The following SLC44A5 variants were observed in gnomAD, a reference collection of about 807,000 sequenced individuals.
SLC44A5 encodes the protein solute carrier family 44 member 5, also known as choline transporter-like protein 5.
SLC44A5 carries 57 observed loss-of-function variants against 101.8 expected under a neutral mutation model. That is an observed-to-expected ratio of 0.56 (90% CI 0.45 to 0.70). The LOEUF (loss-of-function observed/expected upper bound fraction) is 0.70, where lower values mean the gene tolerates loss of function less well. Among genes scored for constraint, SLC44A5 ranks in the 30% least tolerant of loss-of-function variants. SLC44A5 has a pLI of 0.00. For missense variants in SLC44A5, 737 were observed against 853.1 expected, an observed-to-expected ratio of 0.86 and a Z score of 1.70; for synonymous variants, 281 against 290.9, an observed-to-expected ratio of 0.97 and a Z score of 0.35.
At chr1:75,521,375 T>C (rs1398083408) in intron 2 of SLC44A5, among the ~76,000 whole-genome samples, 2 of 152,112 alleles carry the variant, frequency 1.3e-5, no homozygotes, top group African/African-American at 4.8e-5. Flanking sequence ...GGATCTTCTG[T>C]CATTCTTAAT....
the SLC44A5 span, among the ~76,000 whole-genome samples, chr1:75,632,606 G>GT: frequency 0.49 from 74,447 of 151,800 alleles, 19,432 homozygotes; most frequent in East Asian, 0.91. Context: ...TATCATTCCT[G>GT]TTTTTCCATG....
the SLC44A5 span, among the ~76,000 whole-genome samples, chr1:75,652,285 G>T: frequency 6.6e-6 from 1 of 152,086 alleles, no homozygotes; most frequent in Non-Finnish European, 1.5e-5. Flanking sequence ...ATGTCAAACT[G>T]CACTTGAGTC....
At chr1:75,594,785 T>TA (rs1056422665) in intron 1 of SLC44A5, among the ~76,000 whole-genome samples, 2 of 151,814 alleles carry the variant, frequency 1.3e-5, no homozygotes, top group African/African-American at 4.8e-5. Flanking sequence ...CTTTTTTTTT[T>TA]ATCATTTTAG....
chr1:75,449,837 C>G (rs967112057), intron 2 of SLC44A5, among the ~76,000 whole-genome samples: 3 of 152,142 alleles, frequency 2.0e-5, no homozygotes, highest in Non-Finnish European at 4.4e-5. Context: ...TTCGTCTCTA[C>G]TAAAAATACA....
chr1:75,684,724 A>G, the SLC44A5 span, among the ~76,000 whole-genome samples: 1 of 152,168 alleles, frequency 6.6e-6, no homozygotes, highest in East Asian at 1.9e-4. Context: ...GGCTCTGCAG[A>G]GTACAGACAC....
At chr1:75,700,825 A>G in the SLC44A5 span, among the ~76,000 whole-genome samples, 8 of 152,242 alleles carry the variant, frequency 5.3e-5, no homozygotes, top group African/African-American at 1.9e-4. Context: ...TAAAGGGGAC[A>G]TGTCCACCAA....
chr1:75,532,829 C>G (rs2101924428), intron 2 of SLC44A5, among the ~76,000 whole-genome samples: 1 of 152,174 alleles, frequency 6.6e-6, no homozygotes, highest in Middle Eastern at 3.4e-3. Context: ...AGCCTGAGCT[C>G]AAGAGTTCGA....
chr1:75,290,707 AG>A (rs2100821095), intron 5 of SLC44A5, among the ~76,000 whole-genome samples: 1 of 152,324 alleles, frequency 6.6e-6, no homozygotes, highest in South Asian at 2.1e-4. Flanking sequence ...CCAGATTCCC[AG>A]GGGACAGAGC....
chr1:75,431,934 T>A (rs1457786062), intron 2 of SLC44A5, among the ~76,000 whole-genome samples: 1 of 152,188 alleles, frequency 6.6e-6, no homozygotes, highest in Non-Finnish European at 1.5e-5. Context: ...GAGTATTATT[T>A]CACAGTGTCG....
the SLC44A5 span, among the ~76,000 whole-genome samples, chr1:75,658,744 C>CA: frequency 6.6e-6 from 1 of 151,462 alleles, no homozygotes; most frequent in Non-Finnish European, 1.5e-5. Context: ...CAAACAAACC[C>CA]AAAATTAGTA....
chr1:75,502,676 G>T (rs1669028665), intron 2 of SLC44A5, among the ~76,000 whole-genome samples: 1 of 151,452 alleles, frequency 6.6e-6, no homozygotes, highest in Non-Finnish European at 1.5e-5. Context: ...TTAGCATTAG[G>T]TATATCTCCT....
the SLC44A5 span, among the ~76,000 whole-genome samples, chr1:75,691,006 A>C: frequency 6.6e-6 from 1 of 152,010 alleles, no homozygotes; most frequent in East Asian, 1.9e-4. Flanking sequence ...AAAAAAAGAA[A>C]CCCATAAAGG....
At chr1:75,428,207 T>C (rs1664420779) in intron 2 of SLC44A5, among the ~76,000 whole-genome samples, 1 of 152,236 alleles carries the variant, frequency 6.6e-6, no homozygotes, top group African/African-American at 2.4e-5. Flanking sequence ...TAAAGCATAA[T>C]GTAGTGTATC....
At chr1:75,688,710 A>C in the SLC44A5 span, among the ~76,000 whole-genome samples, 38 of 152,286 alleles carry the variant, frequency 2.5e-4, no homozygotes, top group African/African-American at 7.2e-4. Context: ...GCCAGTGATC[A>C]TCTCTTTAAA....
intron 1 of SLC44A5, among the ~76,000 whole-genome samples, chr1:75,600,339 G>A (rs768467511): frequency 3.9e-4 from 59 of 152,244 alleles, no homozygotes; most frequent in African/African-American, 6.5e-4. Context: ...AGGAAAAAAA[G>A]TTGAGTTAGA....
intron 2 of SLC44A5, among the ~76,000 whole-genome samples, chr1:75,492,392 C>T (rs1022828884): frequency 2.6e-4 from 40 of 152,040 alleles, no homozygotes; most frequent in Non-Finnish European, 5.0e-4. Context: ...TATTGAATGT[C>T]CACTATTTGC....
chr1:75,338,849 A>G (rs1209098677), intron 4 of SLC44A5, among the ~76,000 whole-genome samples: 4 of 152,216 alleles, frequency 2.6e-5, no homozygotes, highest in African/African-American at 9.6e-5. Context: ...ATCACGGTTC[A>G]TTATGACATA....
At chr1:75,683,274 A>C in the SLC44A5 span, among the ~76,000 whole-genome samples, 7 of 152,168 alleles carry the variant, frequency 4.6e-5, no homozygotes, top group Non-Finnish European at 8.8e-5. Flanking sequence ...CCAAAGGACT[A>C]TAAATCATGC....
At chr1:75,500,119 A>G (rs1286793173) in intron 2 of SLC44A5, among the ~76,000 whole-genome samples, 2 of 152,194 alleles carry the variant, frequency 1.3e-5, no homozygotes. Flanking sequence ...TCCCTAACAC[A>G]CAAGTATACC....
Sources: gnomAD v4.1 joint callset for allele counts (sites outside exome capture counted in the v4.1 genomes callset) on GRCh38, gnomAD v4.1.1 for gene constraint, MANE v1.5 for transcripts, NCBI Gene and HGNC (gene_info 2026-07-23, HGNC 2026-07-21) for gene names.